Variants in ITPR2 observed in about 807,000 individuals in gnomAD.
ITPR2 encodes the protein inositol 1,4,5-trisphosphate receptor type 2.
ITPR2 carries 207 observed loss-of-function variants against 317.1 expected under a neutral mutation model. The ratio of observed to expected loss-of-function variants is 0.65; its 90% CI spans 0.58 to 0.73. The LOEUF (loss-of-function observed/expected upper bound fraction) is 0.73. Ranked by LOEUF, ITPR2 falls within the 30% of genes least tolerant of loss-of-function variation. The probability of loss-of-function intolerance (pLI) is 0.00; values close to 1 mark genes in which losing one functional copy is unlikely to be tolerated. For synonymous variants in ITPR2, 1,156 were observed against 1,149.1 expected (o/e 1.01, Z -0.12); for missense variants, 2,613 against 3,284.0 (o/e 0.80, Z 4.99).
At chr12:26,428,707 A>C (rs1941130598) in intron 48 of ITPR2, among the ~76,000 whole-genome samples, 1 of 152,228 alleles carries the variant, frequency 6.6e-6, no homozygotes, top group South Asian at 2.1e-4. Context: ...AAATGTCTTA[A>C]AAAACGAACT....
At chr12:26,794,840 G>C (rs1372616486) in intron 1 of ITPR2, among the ~76,000 whole-genome samples, 6 of 152,206 alleles carry the variant, frequency 3.9e-5, no homozygotes, top group African/African-American at 1.2e-4. Context: ...TTTGGACCCA[G>C]ATCTACAAGA....
At chr12:26,436,774 TCAAA>T (rs1359989913) in intron 47 of ITPR2, among the ~76,000 whole-genome samples, 2 of 151,940 alleles carry the variant, frequency 1.3e-5, no homozygotes, top group Non-Finnish European at 2.9e-5. Context: ...ATAAAAAAAC[TCAAA>T]CCCATAGCAC....
At position 26,831,318 on chromosome 12, in the gene ITPR2, G is replaced by A. The variant is rs1951097298; in HGVS notation, c.92+1372C>T. On this transcript the variant is annotated intron_variant, in intron 1 of 56. Transcript: ENST00000381340. The surrounding 1 kb of genome is among the most constrained non-coding windows in gnomAD (Gnocchi z 4.9). ...CTACCTCCCTTCTTTCACTCATTAGGGGGAATGCACAAGTAACAGGAACTG... is the reference window on the plus strand; with the variant it reads ...CTACCTCCCTTCTTTCACTCATTAGAGGGAATGCACAAGTAACAGGAACTG... Among the ~76,000 whole-genome samples the A allele has an allele frequency of 6.6e-6, 1 of 152,196 alleles. No homozygotes were observed. Among genetic ancestry groups the A allele is most frequent in the African/African-American group, 2.4e-5 (1 of 41,440 alleles).
chr12:26,350,983 C>T (rs1224004125), intron 55 of ITPR2, among the ~76,000 whole-genome samples: 1 of 152,136 alleles, frequency 6.6e-6, no homozygotes, highest in Non-Finnish European at 1.5e-5. Flanking sequence ...GGGAGTGACC[C>T]AGGACTGGGG....
chr12:26,495,482 T>C (rs1030268414), intron 37 of ITPR2: 14 of 457,156 alleles, frequency 3.1e-5, no homozygotes, highest in African/African-American at 2.8e-4. Context: ...AGAAGCTTTT[T>C]GGAGGTGACG....
At chr12:26,452,094 G>A (rs1425064398) in intron 45 of ITPR2, among the ~76,000 whole-genome samples, 1 of 151,996 alleles carries the variant, frequency 6.6e-6, no homozygotes, top group African/African-American at 2.4e-5. Context: ...AAACTATGAA[G>A]GAGTACACCC....
At chr12:26,471,125 A>G (rs1474165716) in intron 45 of ITPR2, among the ~76,000 whole-genome samples, 1 of 152,208 alleles carries the variant, frequency 6.6e-6, no homozygotes, top group Non-Finnish European at 1.5e-5. Context: ...TGCTTCCTAC[A>G]GCTTGCTATC....
At chr12:26,388,475 A>G (rs1299161067) in intron 54 of ITPR2, among the ~76,000 whole-genome samples, 2 of 151,790 alleles carry the variant, frequency 1.3e-5, no homozygotes, top group Non-Finnish European at 2.9e-5. Context: ...TTATTTATTT[A>G]TTTTTTTGAG....
At chr12:26,744,169 C>T in intron 2 of ITPR2, among the ~76,000 whole-genome samples, 1 of 152,214 alleles carries the variant, frequency 6.6e-6, no homozygotes, top group East Asian at 1.9e-4. Context: ...CTCCACCTTA[C>T]TCAAAGCAAA....
chr12:26,770,989 T>G (rs1304084531), intron 2 of ITPR2, among the ~76,000 whole-genome samples: 3 of 152,220 alleles, frequency 2.0e-5, no homozygotes, highest in African/African-American at 7.2e-5. Context: ...AAGTCCATTT[T>G]CTGACTGTGT....
In ITPR2 at chr12:26,649,822, T is replaced by TAGATAGATAGATAGAC. The variant is rs779584089; in HGVS notation, c.2740+4153_2740+4154insGTCTATCTATCTATCT. On this transcript the variant is annotated intron_variant, in intron 21 of 56. Transcript: ENST00000381340. ...ATAGATAGATAGATAGATAGATAGA[T>TAGATAGATAGATAGAC]AGACAGACAGACAGATAGATAACCT... Among the ~76,000 whole-genome samples, 36 of 119,956 alleles carry TAGATAGATAGATAGAC rather than the reference T, an allele frequency of 3.0e-4. 1 individual carries two copies. Among genetic ancestry groups the TAGATAGATAGATAGAC allele is most frequent in the East Asian group, 7.1e-4 (3 of 4,218 alleles). 78.7% of individuals were successfully genotyped at this position (119,956 alleles called of 152,430 possible).
rs760969583 is a variant in ITPR2 at position 26,387,521 on chromosome 12, C to A, written c.7770G>T (p.Trp2590Cys). ...CCAGGACTATGAAGTACAAATAATG[C>A]CACATATTGTGTTCTGACTTAATGT... ...EEHIKSEHNM[W>C]HYLYFIVLVK... The change falls in exon 55 of 57, where the codon TGG (tryptophan) becomes TGT (cysteine). Residue 2590 changes from tryptophan (W) to cysteine (C), a missense_variant. Trp to Cys is a radical substitution (Grantham distance 215). Coordinates refer to ENST00000381340, the MANE Select transcript of ITPR2 (RefSeq NM_002223.4). 1 of 1,613,690 alleles carries A rather than the reference C, an allele frequency of 6.2e-7. No homozygotes were observed. Among genetic ancestry groups the A allele is most frequent in the Non-Finnish European group, 8.5e-7 (1 of 1,179,730 alleles).
intron 37 of ITPR2, among the ~76,000 whole-genome samples, chr12:26,546,104 A>T (rs1178765717): frequency 6.6e-6 from 1 of 152,206 alleles, no homozygotes; most frequent in Non-Finnish European, 1.5e-5. Context: ...TAAGATATGT[A>T]TGCTTTTTAT....
At chr12:26,494,445 T>C in intron 38 of ITPR2, 105 bp from the exon 39 acceptor site, 3 of 757,468 alleles carry the variant, frequency 4.0e-6, no homozygotes, top group Admixed American at 3.8e-5. Flanking sequence ...ATATTAATCA[T>C]TGAGATTTTT....
At chr12:26,700,603 T>G (rs1948427223) in intron 9 of ITPR2, among the ~76,000 whole-genome samples, 1 of 152,080 alleles carries the variant, frequency 6.6e-6, no homozygotes, top group Admixed American at 6.5e-5. Flanking sequence ...GCACGCTGCT[T>G]CCCTCCTGCC....
intron 34 of ITPR2, among the ~76,000 whole-genome samples, chr12:26,566,236 A>G (rs1173914886): frequency 1.8e-5 from 2 of 109,904 alleles, no homozygotes; most frequent in East Asian, 6.6e-4. Context: ...AAGGAGGAGG[A>G]AAGAGGAGAG....
chr12:26,625,210 C>T (rs1591974788), intron 23 of ITPR2, among the ~76,000 whole-genome samples: 1 of 149,700 alleles, frequency 6.7e-6, no homozygotes, highest in Non-Finnish European at 1.5e-5. Context: ...GTGGGGTGGG[C>T]GGAGTGGGGA....
chr12:26,588,033 T>C (rs1042361635), intron 32 of ITPR2, among the ~76,000 whole-genome samples: 23 of 152,164 alleles, frequency 1.5e-4, no homozygotes, highest in Admixed American at 4.6e-4. Context: ...CCTGAATGCC[T>C]AGAGTGAGTA....
chr12:26,423,832 A>AATAT (rs2136694647), intron 49 of ITPR2, among the ~76,000 whole-genome samples: 1 of 152,308 alleles, frequency 6.6e-6, no homozygotes, highest in Admixed American at 6.5e-5. Flanking sequence ...AATTTTTTGA[A>AATAT]ATATCTCAAA....
Sources: allele counts gnomAD v4.1 joint callset (sites outside exome capture counted in the v4.1 genomes callset), GRCh38; gene constraint gnomAD v4.1.1; non-coding constraint Gnocchi (gnomAD v3.1); transcripts MANE v1.5; gene names NCBI Gene and HGNC (gene_info 2026-07-23, HGNC 2026-07-21).